Variants in HYAL4 observed in about 807,000 individuals in gnomAD.
HYAL4 encodes the protein hyaluronidase 4.
In HYAL4, 37 loss-of-function variants were observed where a neutral mutation model predicts 35.2. The ratio of observed to expected loss-of-function variants is 1.05; its 90% CI spans 0.81 to 1.38. HYAL4 has a LOEUF of 1.38. Among genes scored for constraint, HYAL4 ranks in the 40% most tolerant of loss-of-function variants. The pLI is 0.00. For missense variants in HYAL4, 572 were observed against 572.4 expected (o/e 1.00, Z 0.01); for synonymous variants, 198 against 203.2 (o/e 0.97, Z 0.22).
chr7:123,852,906 A>G (rs1806344865), intron 2 of HYAL4, among the ~76,000 whole-genome samples: 1 of 151,864 alleles, frequency 6.6e-6, no homozygotes, highest in Non-Finnish European at 1.5e-5. Context: ...GTCCTCCCTT[A>G]TTTCCTTGAC....
At chr7:123,775,497 A>C in the HYAL4 span, among the ~76,000 whole-genome samples, 60 of 152,262 alleles carry the variant, frequency 3.9e-4, no homozygotes, top group East Asian at 9.3e-3. Flanking sequence ...TCCATACTAA[A>C]GCTATATATA....
chr7:123,846,760 TC>T, intron 1 of HYAL4, among the ~76,000 whole-genome samples: 1 of 152,250 alleles, frequency 6.6e-6, no homozygotes, highest in Non-Finnish European at 1.5e-5. Flanking sequence ...CCCCAAGGAC[TC>T]CTATGAGACA....
intron 1 of HYAL4, among the ~76,000 whole-genome samples, chr7:123,839,530 T>G (rs547602576): frequency 2.0e-5 from 3 of 152,222 alleles, no homozygotes; most frequent in Admixed American, 6.5e-5. Context: ...AAATGGTAAT[T>G]CTGGTTCTAG....
the HYAL4 span, among the ~76,000 whole-genome samples, chr7:123,806,082 A>G: frequency 4.6e-5 from 7 of 152,346 alleles, no homozygotes; most frequent in Non-Finnish European, 1.0e-4. Context: ...CAAAAGAAAC[A>G]TAAAGTTGAA....
At chr7:123,821,604 T>C in the HYAL4 span, among the ~76,000 whole-genome samples, 1 of 152,214 alleles carries the variant, frequency 6.6e-6, no homozygotes, top group African/African-American at 2.4e-5. Context: ...AGGTTATCTC[T>C]TCATACTGCT....
At position 123,874,691 on chromosome 7, in the gene HYAL4, C is replaced by T. The variant is rs1309532580; in HGVS notation, c.955-70C>T. On this transcript the variant is annotated intron_variant, in intron 3 of 4. Coordinates refer to ENST00000223026, the MANE Select transcript of HYAL4 (RefSeq NM_012269.3). ...AAGTGCTGGGATTACAGGCGTGAGC[C>T]ACCGCGCCCAGCCCCTGGTGGATTG... is the stretch of plus-strand genomic sequence containing the variant. 3.2e-6 allele frequency: 3 copies of T among 923,332 alleles called. No individual in the cohort carries two copies. The African/African-American group carries it at 4.9e-5, about 15-fold the overall frequency. The allele number at this position is 923,332 out of a possible 1,614,324, so 57.2% of individuals were successfully genotyped here.
At chr7:123,765,270 T>C in the HYAL4 span, among the ~76,000 whole-genome samples, 1 of 152,190 alleles carries the variant, frequency 6.6e-6, no homozygotes, top group Non-Finnish European at 1.5e-5. Context: ...TTTGTCTGTA[T>C]AGAAAAATGT....
the HYAL4 span, among the ~76,000 whole-genome samples, chr7:123,788,077 T>C: frequency 1.5e-3 from 221 of 152,290 alleles, no homozygotes; most frequent in Non-Finnish European, 2.2e-3. Flanking sequence ...CAGCACTTTG[T>C]GCAGCCAAGG....
chr7:123,807,914 A>ATTATTATTATT, the HYAL4 span, among the ~76,000 whole-genome samples: 3 of 136,572 alleles, frequency 2.2e-5, no homozygotes, highest in South Asian at 2.5e-4. Flanking sequence ...TTAGCTGGAT[A>ATTATTATTATT]ATTATTATTA....
At chr7:123,800,860 C>T in the HYAL4 span, among the ~76,000 whole-genome samples, 1 of 151,862 alleles carries the variant, frequency 6.6e-6, no homozygotes, top group Non-Finnish European at 1.5e-5. Flanking sequence ...GGGGTTTTAC[C>T]ATGTTGCCCA....
At chr7:123,834,860 C>A (rs1805938720) in intron 1 of HYAL4, among the ~76,000 whole-genome samples, 1 of 152,058 alleles carries the variant, frequency 6.6e-6, no homozygotes, top group Non-Finnish European at 1.5e-5. Flanking sequence ...GTTTTTAATT[C>A]TGTTTGTGTG....
At chr7:123,809,884 G>A in the HYAL4 span, among the ~76,000 whole-genome samples, 829 of 152,232 alleles carry the variant, frequency 5.4e-3, 7 homozygotes, top group Non-Finnish European at 9.6e-3. Context: ...AACAGCCCCA[G>A]TTGATTGAAG....
intron 1 of HYAL4, among the ~76,000 whole-genome samples, chr7:123,831,931 T>C (rs1805888878): frequency 6.6e-6 from 1 of 152,184 alleles, no homozygotes; most frequent in Non-Finnish European, 1.5e-5. Flanking sequence ...TGTAATTCTT[T>C]CCTGGGATGA....
intron 2 of HYAL4, among the ~76,000 whole-genome samples, chr7:123,863,546 C>T (rs1198794603): frequency 6.6e-6 from 1 of 152,096 alleles, no homozygotes; most frequent in Non-Finnish European, 1.5e-5. Context: ...GGGATTTTCT[C>T]TAGATTAGAT....
chr7:123,766,212 A>G, the HYAL4 span, among the ~76,000 whole-genome samples: 247 of 152,258 alleles, frequency 1.6e-3, no homozygotes, highest in Non-Finnish European at 2.8e-3. Context: ...AAGGTTCCTA[A>G]TTGTAATTGC....
the HYAL4 span, among the ~76,000 whole-genome samples, chr7:123,799,026 A>G: frequency 6.6e-6 from 1 of 152,202 alleles, no homozygotes; most frequent in East Asian, 1.9e-4. Flanking sequence ...AGAGAACACT[A>G]CGCTTGCAAC....
At chr7:123,849,950 C>A (rs1806265475) in intron 2 of HYAL4, among the ~76,000 whole-genome samples, 1 of 152,182 alleles carries the variant, frequency 6.6e-6, no homozygotes, top group African/African-American at 2.4e-5. Context: ...TTCTATATTT[C>A]TCATATGTTT....
the HYAL4 span, among the ~76,000 whole-genome samples, chr7:123,803,696 A>G: frequency 2.0e-5 from 3 of 152,218 alleles, no homozygotes; most frequent in Non-Finnish European, 4.4e-5. Flanking sequence ...GCCCAATTTT[A>G]TACTTCTAGA....
At chr7:123,821,045 A>G in the HYAL4 span, among the ~76,000 whole-genome samples, 2 of 152,340 alleles carry the variant, frequency 1.3e-5, no homozygotes, top group East Asian at 3.9e-4. Context: ...TTATTCATTT[A>G]TCTGTCAACA....
Sources: allele counts gnomAD v4.1 joint callset (sites outside exome capture counted in the v4.1 genomes callset), GRCh38; gene constraint gnomAD v4.1.1; transcripts MANE v1.5; gene names NCBI Gene and HGNC (gene_info 2026-07-23, HGNC 2026-07-21).